The following CCDC77 variants were observed in gnomAD, a reference collection of about 807,000 sequenced individuals.
CCDC77 encodes the protein coiled-coil domain-containing protein 77.
A neutral mutation model predicts 66.8 loss-of-function variants in CCDC77; 56 were observed. That is an observed-to-expected ratio of 0.84 (90% CI 0.68 to 1.05). CCDC77 has a LOEUF of 1.05. Among genes scored for constraint, CCDC77 ranks in the 50% least tolerant of loss-of-function variants. The probability of loss-of-function intolerance (pLI) is 0.00; values close to 1 mark genes in which losing one functional copy is unlikely to be tolerated. For synonymous variants in CCDC77, 196 were observed against 195.2 expected, an observed-to-expected ratio of 1.00 and a Z score of -0.03; for missense variants, 570 against 576.8, an observed-to-expected ratio of 0.99 and a Z score of 0.12.
chr12:398,366 C>T (rs967941266), upstream of CCDC77, among the ~76,000 whole-genome samples: 1 of 152,026 alleles, frequency 6.6e-6, no homozygotes, highest in Admixed American at 6.6e-5. Context: ...ACTTTCTTTA[C>T]TTATTCATAA....
chr12:425,731 C>T (rs1016843142), intron 5 of CCDC77, among the ~76,000 whole-genome samples: 1 of 152,132 alleles, frequency 6.6e-6, no homozygotes, highest in Non-Finnish European at 1.5e-5. Flanking sequence ...GCAACCCTCC[C>T]GAGCACACGT....
At chr12:441,686 CTAGCA>C in intron 12 of CCDC77, 83 bp from the exon 13 acceptor site, 1 of 1,383,686 alleles carries the variant, frequency 7.2e-7, no homozygotes, top group Non-Finnish European at 9.8e-7. Flanking sequence ...CAAAAAGGAG[CTAGCA>C]TAGCTGTGTC....
intron 5 of CCDC77, among the ~76,000 whole-genome samples, chr12:422,350 A>C (rs925798071): frequency 1.3e-5 from 2 of 152,256 alleles, no homozygotes; most frequent in African/African-American, 4.8e-5. Context: ...ACGTTGTTGC[A>C]CAACTGTCAA....
Position 409,424 on chromosome 12 carries a change from A to T in CCDC77, c.38+3A>T. ...ACACACACCCCTGTCTGCAGAAAGT[A>T]AGACATTTGCTTATTTTCAAGTTGT... On this transcript the variant is annotated splice_donor_region_variant and intron_variant, in intron 3 of 12. Transcript: ENST00000239830. 1 of 1,612,936 alleles carries T rather than the reference A, an allele frequency of 6.2e-7. No homozygotes were observed. The highest frequency in any genetic ancestry group is 8.5e-7 in the Non-Finnish European group (1 of 1,179,434).
intron 2 of CCDC77, among the ~76,000 whole-genome samples, chr12:406,478 G>A (rs771030773): frequency 3.3e-5 from 5 of 152,196 alleles, no homozygotes; most frequent in African/African-American, 4.8e-5. Flanking sequence ...TAGTAGGTGA[G>A]GTCACAGAAG....
At chr12:399,505 A>C (rs1944869800), upstream of CCDC77, among the ~76,000 whole-genome samples, 1 of 152,210 alleles carries the variant, frequency 6.6e-6, no homozygotes, top group South Asian at 2.1e-4. Flanking sequence ...GAAAGTCAAA[A>C]TGACTCCTTG....
chr12:441,856 A>G lies in CCDC77; in HGVS notation c.1403A>G (p.Gln468Arg), dbSNP rs1945863585. 1.2e-6 allele frequency: 2 copies of G among 1,613,860 alleles called. No homozygotes were observed. The highest frequency in any genetic ancestry group is 1.3e-5 in the African/African-American group (1 of 74,826). Residue 468 changes from glutamine to arginine, a missense_variant, in exon 13 of 13, where the codon CAA becomes CGA. Physicochemically the swap from Gln to Arg is conservative, Grantham distance 43 (BLOSUM62 1). Transcript: ENST00000239830. Reference sequence around the variant, plus strand: ...AGCAATAGACGGGCACATAAGATACAAGGAGAACTGAAGAATCTTAAGTCG... The same window carrying G: ...AGCAATAGACGGGCACATAAGATACGAGGAGAACTGAAGAATCTTAAGTCG... Reference protein sequence around the residue: ...RDSNRRAHKIQGELKNLKSKV... With the variant: ...RDSNRRAHKIRGELKNLKSKV...
chr12:435,182 C>T (rs1007205353), intron 9 of CCDC77, among the ~76,000 whole-genome samples: 9 of 147,572 alleles, frequency 6.1e-5, no homozygotes, highest in Non-Finnish European at 8.9e-5. Context: ...CTCCCATCCC[C>T]GTCTCAAGCC....
At chr12:401,213 G>A (rs1031774463), upstream of CCDC77, among the ~76,000 whole-genome samples, 3 of 152,130 alleles carry the variant, frequency 2.0e-5, no homozygotes, top group African/African-American at 7.2e-5. Flanking sequence ...GTCCTATCCT[G>A]GCTCTAGGCC....
Position 395,380 on chromosome 12 carries a change from C to T in CCDC77, c.-113+5894C>T, listed in dbSNP as rs117234823. ...CTGGAATTACAGGCATGAGCCACTG[C>T]ACCCAGCCAGATTGGTGACATTTGA... On this transcript the variant is annotated intron_variant, in intron 1 of 11. Coordinates refer to the CCDC77 transcript ENST00000422000. Among the ~76,000 whole-genome samples, 426 of 152,150 alleles carry T rather than the reference C, an allele frequency of 2.8e-3. 12 individuals are homozygous for T. In the East Asian group the frequency reaches 0.065, roughly 23 times the overall value.
At chr12:406,714 A>C (rs1944997489) in intron 2 of CCDC77, among the ~76,000 whole-genome samples, 1 of 152,176 alleles carries the variant, frequency 6.6e-6, no homozygotes, top group Non-Finnish European at 1.5e-5. Flanking sequence ...TGGGAGGCCA[A>C]GGCAGGTGGA....
At chr12:423,486 T>TTTTTTTTTTTTTTTTTTTC (rs1945466292) in intron 5 of CCDC77, among the ~76,000 whole-genome samples, 1 of 32,134 alleles carries the variant, frequency 3.1e-5, no homozygotes, top group Non-Finnish European at 6.3e-5. Context: ...TGTGTTTTTT[T>TTTTTTTTTTTTTTTTTTTC]TTGTTTTGTT....
intron 8 of CCDC77, 53 bp downstream of exon 8, chr12:432,007 C>G (rs539637021): frequency 4.8e-6 from 5 of 1,032,800 alleles, no homozygotes; most frequent in Non-Finnish European, 7.6e-6. Context: ...AGGTGCAGCT[C>G]TATGTCACAT....
At chr12:415,981 C>G (rs1464491207) in intron 4 of CCDC77, among the ~76,000 whole-genome samples, 1 of 151,472 alleles carries the variant, frequency 6.6e-6, no homozygotes, top group African/African-American at 2.4e-5. Flanking sequence ...AATTTTTGTA[C>G]TTTTAGTAGG....
chr12:401,272 A>T (rs369206084), upstream of CCDC77, among the ~76,000 whole-genome samples: 1 of 152,186 alleles, frequency 6.6e-6, no homozygotes, highest in African/African-American at 2.4e-5. Flanking sequence ...ATCTCTTGAG[A>T]CAAGCTTGGA....
chr12:409,974 G>C (rs576805474), intron 3 of CCDC77, among the ~76,000 whole-genome samples: 10 of 150,496 alleles, frequency 6.6e-5, no homozygotes, highest in African/African-American at 2.4e-4. Flanking sequence ...CTCCAGCCTG[G>C]GCAACAGAGC....
At chr12:426,488 C>T (rs754006825) in intron 5 of CCDC77, among the ~76,000 whole-genome samples, 1 of 152,190 alleles carries the variant, frequency 6.6e-6, no homozygotes, top group South Asian at 2.1e-4. Flanking sequence ...GGACCTCCAC[C>T]TCTGCATTCT....
At chr12:437,013 C>T (rs1945773162) in intron 9 of CCDC77, among the ~76,000 whole-genome samples, 1 of 152,216 alleles carries the variant, frequency 6.6e-6, no homozygotes, top group African/African-American at 2.4e-5. Context: ...CACCTTGTGA[C>T]ATTTACTCTA....
intron 4 of CCDC77, among the ~76,000 whole-genome samples, chr12:415,318 TA>T (rs1945208183): frequency 1.9e-5 from 2 of 106,184 alleles, no homozygotes; most frequent in Non-Finnish European, 3.9e-5. Context: ...ATTATGTTAA[TA>T]TAATCAACAT....
Sources: gnomAD v4.1 joint callset for allele counts (sites outside exome capture counted in the v4.1 genomes callset) on GRCh38, gnomAD v4.1.1 for gene constraint, MANE v1.5 for transcripts, NCBI Gene and HGNC (gene_info 2026-07-23, HGNC 2026-07-21) for gene names.